Variants in SLC25A23 observed in about 807,000 individuals in gnomAD.
SLC25A23 encodes solute carrier family 25 member 23, also known as mitochondrial adenyl nucleotide antiporter SLC25A23.
In SLC25A23, 32 loss-of-function variants were observed where a neutral mutation model predicts 53.9. The ratio of observed to expected loss-of-function variants is 0.59; its 90% CI spans 0.45 to 0.80. The LOEUF is 0.80. Among genes scored for constraint, SLC25A23 ranks in the 30% least tolerant of loss-of-function variants. SLC25A23 has a pLI of 0.00. For synonymous variants in SLC25A23, 275 were observed against 264.5 expected, an observed-to-expected ratio of 1.04 and a Z score of -0.38; for missense variants, 575 against 651.4, an observed-to-expected ratio of 0.88 and a Z score of 1.28.
At chr19:6,436,544 A>G (rs2092320001), downstream of SLC25A23, 3 of 411,828 alleles carry the variant, frequency 7.3e-6, no homozygotes, top group African/African-American at 4.5e-5. Context: ...TGGCAGCGAC[A>G]GTGTCTTTTT....
chr19:6,445,083 A>G (rs1162619661), intron 8 of SLC25A23, among the ~76,000 whole-genome samples: 1 of 151,384 alleles, frequency 6.6e-6, no homozygotes, highest in Non-Finnish European at 1.5e-5. Flanking sequence ...GATTACAGGC[A>G]TGAGCCACCA....
At chr19:6,436,609 G>C (rs2092322553), downstream of SLC25A23, 5 of 378,812 alleles carry the variant, frequency 1.3e-5, no homozygotes, top group South Asian at 9.9e-5. Context: ...GAGTGCAGTG[G>C]CACAATCTCG....
rs983379864 is a variant in SLC25A23 at position 6,440,877 on chromosome 19, G to A, written c.*1098C>T. On this transcript the variant is annotated 3_prime_UTR_variant, in exon 10 of 10. Coordinates refer to ENST00000301454, the MANE Select transcript of SLC25A23 (RefSeq NM_024103.3). Reference sequence around the variant, plus strand: ...GGGGCCTGAACATTTGGGACCCGGCGCCTGGAAGATTCAGATCAGAAACCG... The same window carrying A: ...GGGGCCTGAACATTTGGGACCCGGCACCTGGAAGATTCAGATCAGAAACCG... The A allele has an allele frequency of 5.9e-5, 9 of 152,246 alleles. No individual in the cohort carries two copies. Among genetic ancestry groups the A allele is most frequent in the Admixed American group, 2.0e-4 (3 of 15,250 alleles). The allele number at this position is 152,246 out of a possible 1,614,324, so 9.4% of individuals were successfully genotyped here. A position where few individuals can be genotyped will look rare whatever the true frequency, so the allele number is the denominator to read the frequency against.
intron 8 of SLC25A23, among the ~76,000 whole-genome samples, chr19:6,444,830 G>C (rs2092479353): frequency 6.6e-6 from 1 of 151,466 alleles, no homozygotes. Context: ...ACCACACCTG[G>C]CTAATTTTTT....
chr19:6,454,838 T>C lies in SLC25A23; in HGVS notation c.484-121A>G, dbSNP rs2145023634. On this transcript the variant is annotated intron_variant, in intron 4 of 9. Transcript: ENST00000301454. The surrounding 1 kb of genome is among the most constrained non-coding windows in gnomAD (Gnocchi z 4.3). ...TACCCTAGAGTCTGCCAATGACTCT[T>C]GCTTGGAGACCCCAGAAGAGTCCTG... 3.3e-6 allele frequency: 4 copies of C among 1,213,422 alleles called. No homozygotes were observed. The South Asian group carries it at 5.8e-5, about 18-fold the overall frequency. The allele number at this position is 1,213,422 out of a possible 1,614,324, so 75.2% of individuals were successfully genotyped here.
intron 8 of SLC25A23, among the ~76,000 whole-genome samples, chr19:6,446,864 G>A (rs1318384023): frequency 6.6e-6 from 1 of 152,114 alleles, no homozygotes; most frequent in African/African-American, 2.4e-5. Context: ...AGGGTAACAG[G>A]GTAGACCCTT....
Position 6,459,494 on chromosome 19 carries a change from G to T in SLC25A23, c.135C>A (p.Asn45Lys). The part of the protein sequence containing the change: ...RQGLARLGGG[N>K]PDPGAQQGIS... ...GTACCTGTTGGGCGCCGGGGTCTGG[G>T]TTGCCCCCGCCCAGCCTGGCCAGCC... The change falls in exon 1 of 10, where the codon AAC (asparagine) becomes AAA (lysine). Residue 45 changes from asparagine to lysine, a missense_variant. Asn to Lys is a moderately conservative substitution (Grantham distance 94). Coordinates refer to ENST00000301454, the MANE Select transcript of SLC25A23 (RefSeq NM_024103.3). The surrounding 1 kb of genome is among the most constrained non-coding windows in gnomAD (Gnocchi z 4.6). 1 of 1,593,386 alleles carries T rather than the reference G, an allele frequency of 6.3e-7. No homozygotes were observed. Among genetic ancestry groups the T allele is most frequent in the Non-Finnish European group, 8.5e-7 (1 of 1,175,836 alleles).
At chr19:6,436,168 T>A (rs2092311600), downstream of SLC25A23, 7 of 227,162 alleles carry the variant, frequency 3.1e-5, no homozygotes, top group South Asian at 3.7e-4. Flanking sequence ...ACAACAAACA[T>A]TTATCATCTC....
At chr19:6,456,346 T>G (rs902444687) in intron 4 of SLC25A23, 74 bp downstream of exon 4, 4 of 1,448,816 alleles carry the variant, frequency 2.8e-6, no homozygotes, top group African/African-American at 2.8e-5. Flanking sequence ...ATCCAAGCCC[T>G]GGGGAGATCG....
At chr19:6,439,422 C>CAG (rs1378318151), downstream of SLC25A23, among the ~76,000 whole-genome samples, 1 of 151,596 alleles carries the variant, frequency 6.6e-6, no homozygotes. Context: ...CACACACACA[C>CAG]ACACACACAC....
Position 6,441,985 on chromosome 19 carries a change from G to A in SLC25A23, c.1397C>T (p.Thr466Met), listed in dbSNP as rs753323405. The change falls in exon 10 of 10, where the codon ACG becomes ATG. Residue 466 changes from threonine to methionine, a missense_variant. Physicochemically the swap from Thr to Met is moderately conservative, Grantham distance 81. Transcript: ENST00000301454. ...YENMKQALGV[T>M]SR The stretch of plus-strand genomic sequence containing the variant: ...CGGGCTCCGGGTCCCTCACCTGGAC[G>A]TGACCCCCAAGGCCTGCTTCATGTT... 11 of 1,613,716 alleles carry A rather than the reference G, an allele frequency of 6.8e-6. No homozygotes were observed. The South Asian group carries it at 7.7e-5, about 11-fold the overall frequency.
chr19:6,459,711 C>T lies in SLC25A23; in HGVS notation c.-83G>A. On this transcript the variant is annotated 5_prime_UTR_variant, in exon 1 of 10. Coordinates refer to ENST00000301454, the MANE Select transcript of SLC25A23 (RefSeq NM_024103.3). The surrounding 1 kb of genome is among the most constrained non-coding windows in gnomAD (Gnocchi z 4.6). ...CGGCTCCCCCTCCCCCCCCGGGACC[C>T]CGCAGGGTCAGCTCCCGCGGCCGCC... The T allele has an allele frequency of 8.6e-7, 1 of 1,164,174 alleles. No individual in the cohort carries two copies. Among genetic ancestry groups the T allele is most frequent in the Non-Finnish European group, 1.1e-6 (1 of 929,554 alleles). The allele number at this position is 1,164,174 out of a possible 1,614,324, so 72.1% of individuals were successfully genotyped here.
chr19:6,441,681 G>A lies in SLC25A23; in HGVS notation c.*294C>T. ...AATCTTGAATCTTGTGGTTAGGGTA[G>A]CAGACTTGAGTTGCTGAAGTAAGGG... On this transcript the variant is annotated 3_prime_UTR_variant, in exon 10 of 10. Coordinates refer to ENST00000301454, the MANE Select transcript of SLC25A23 (RefSeq NM_024103.3). 1 of 445,622 alleles carries A rather than the reference G, an allele frequency of 2.2e-6. No homozygotes were observed. The highest frequency in any genetic ancestry group is 2.2e-5 in the South Asian group (1 of 45,300). 27.6% of individuals were successfully genotyped at this position (445,622 alleles called of 1,614,324 possible). A position where few individuals can be genotyped will look rare whatever the true frequency, so the allele number is the denominator to read the frequency against.
intron 8 of SLC25A23, among the ~76,000 whole-genome samples, chr19:6,449,904 TGTGCA>T (rs2092563281): frequency 7.0e-6 from 1 of 143,116 alleles, no homozygotes; most frequent in African/African-American, 2.8e-5. Flanking sequence ...CTCTGTCACC[TGTGCA>T]GTGCAAGAAC....
intron 4 of SLC25A23, among the ~76,000 whole-genome samples, chr19:6,455,216 G>A (rs923052558): frequency 2.6e-5 from 4 of 152,132 alleles, no homozygotes; most frequent in African/African-American, 4.8e-5. Flanking sequence ...AGGCTACATT[G>A]AGCTATGATC....
intron 4 of SLC25A23, chr19:6,456,091 A>G (rs904201163): frequency 8.0e-6 from 11 of 1,383,274 alleles, no homozygotes; most frequent in Middle Eastern, 1.9e-4. Flanking sequence ...AGCAGAAGAG[A>G]GCTGTGTGGG....
downstream of SLC25A23, among the ~76,000 whole-genome samples, chr19:6,439,251 G>T (rs973868407): frequency 1.3e-5 from 2 of 151,860 alleles, no homozygotes; most frequent in Non-Finnish European, 2.9e-5. Context: ...AACGGTGCGT[G>T]TGCCTGCGGT....
chr19:6,442,082 G>A lies in SLC25A23; in HGVS notation c.1300C>T (p.Leu434Phe). The change falls in exon 10 of 10, where the codon CTC becomes TTC. Residue 434 changes from leucine to phenylalanine, a missense_variant. Coordinates refer to ENST00000301454, the MANE Select transcript of SLC25A23 (RefSeq NM_024103.3). ...AAGTTGGGGGCGATCCCCCGGTAGA[G>A]GCCCCGCATGCCCTCCTGGGACAGG... ...HILSQEGMRG[L>F]YRGIAPNFMK... 3 of 1,612,154 alleles carry A rather than the reference G, an allele frequency of 1.9e-6. No homozygotes were observed. The highest frequency in any genetic ancestry group is 1.3e-5 in the African/African-American group (1 of 74,514).
downstream of SLC25A23, among the ~76,000 whole-genome samples, chr19:6,436,677 G>A (rs1199579483): frequency 6.6e-6 from 1 of 151,834 alleles, no homozygotes. Flanking sequence ...AGCCTCCTGA[G>A]TAGCTGGGAT....
Sources: allele counts gnomAD v4.1 joint callset (sites outside exome capture counted in the v4.1 genomes callset), GRCh38; gene constraint gnomAD v4.1.1; non-coding constraint Gnocchi (gnomAD v3.1); transcripts MANE v1.5; gene names NCBI Gene and HGNC (gene_info 2026-07-23, HGNC 2026-07-21).